The following ANXA10 variants were observed in gnomAD, a reference collection of about 807,000 sequenced individuals.
ANXA10 encodes annexin A10.
In ANXA10, 49 loss-of-function variants were observed where a neutral mutation model predicts 53.5. The observed-to-expected ratio is 0.92, with a 90% confidence interval of 0.73 to 1.16. The LOEUF is 1.16. Among genes scored for constraint, ANXA10 ranks in the 50% most tolerant of loss-of-function variants. The probability of loss-of-function intolerance (pLI) is 0.00; values close to 1 mark genes in which losing one functional copy is unlikely to be tolerated. For missense variants in ANXA10, 393 were observed against 394.4 expected (o/e 1.00, Z 0.03); for synonymous variants, 131 against 128.9 (o/e 1.02, Z -0.11).
At chr4:168,139,641 C>T (rs543812605) in intron 3 of ANXA10, 61 bp downstream of exon 3, 22 of 1,267,364 alleles carry the variant, frequency 1.7e-5, no homozygotes, top group Middle Eastern at 1.9e-4. Flanking sequence ...ACCACACTCA[C>T]GGATAATAGG....
At chr4:168,099,111 T>C (rs1024569275) in intron 1 of ANXA10, among the ~76,000 whole-genome samples, 1 of 152,172 alleles carries the variant, frequency 6.6e-6, no homozygotes, top group Admixed American at 6.6e-5. Context: ...ACAGCAGATA[T>C]AGCATTCTTA....
Position 168,179,302 on chromosome 4 carries a change from G to T in ANXA10, c.714G>T (p.Leu238=). 1 of 1,604,048 alleles carries T rather than the reference G, an allele frequency of 6.2e-7. No individual in the cohort carries two copies. Among genetic ancestry groups the T allele is most frequent in the South Asian group, 1.1e-5 (1 of 90,312 alleles). ...ECYDGYFQEL[L]VAIVLCVRDK... ...ATGATGGATACTTTCAGGAGCTGCT[G>T]GTTGCAATTGGTAAGTAATAAATTA... Residue 238 remains leucine, a synonymous_variant, in exon 9 of 12, where the codon CTG becomes CTT. Coordinates refer to ENST00000359299, the MANE Select transcript of ANXA10 (RefSeq NM_007193.5).
chr4:168,127,689 A>C, intron 1 of ANXA10: 1 of 419,008 alleles, frequency 2.4e-6, no homozygotes, highest in South Asian at 1.8e-5. Flanking sequence ...AACTCAACCA[A>C]ATTTTCTCTC....
chr4:168,168,756 A>G (rs558857337), intron 6 of ANXA10, among the ~76,000 whole-genome samples: 421 of 152,348 alleles, frequency 2.8e-3, no homozygotes, highest in African/African-American at 9.6e-3. Flanking sequence ...AGAATTGAAC[A>G]TTGCAACCAA....
chr4:168,174,320 T>C (rs760364656), intron 6 of ANXA10, among the ~76,000 whole-genome samples: 3 of 152,158 alleles, frequency 2.0e-5, no homozygotes, highest in Non-Finnish European at 4.4e-5. Context: ...AGTCTCCAAG[T>C]TTTCAGGCAC....
intron 2 of ANXA10, among the ~76,000 whole-genome samples, chr4:168,137,936 C>T (rs1047439765): frequency 3.3e-5 from 5 of 151,404 alleles, no homozygotes; most frequent in Non-Finnish European, 5.9e-5. Flanking sequence ...TTTGCACATC[C>T]TCTCCAACAT....
chr4:168,116,435 T>G (rs530608978), intron 1 of ANXA10, among the ~76,000 whole-genome samples: 1 of 152,310 alleles, frequency 6.6e-6, no homozygotes, highest in South Asian at 2.1e-4. Flanking sequence ...GAGCCAATTT[T>G]GTTTTGCATG....
At chr4:168,181,908 A>G (rs1732255816) in intron 10 of ANXA10, among the ~76,000 whole-genome samples, 167 bp downstream of exon 10, 1 of 152,240 alleles carries the variant, frequency 6.6e-6, no homozygotes, top group African/African-American at 2.4e-5. Context: ...AAAATAAGAC[A>G]TATCAGATAA....
At chr4:168,125,014 C>T (rs1296953455) in intron 1 of ANXA10, among the ~76,000 whole-genome samples, 1 of 152,082 alleles carries the variant, frequency 6.6e-6, no homozygotes, top group East Asian at 1.9e-4. Context: ...GACTGAAGGG[C>T]TCGTTAACTG....
At chr4:168,148,522 C>A (rs1380365337) in intron 3 of ANXA10, among the ~76,000 whole-genome samples, 1 of 152,152 alleles carries the variant, frequency 6.6e-6, no homozygotes, top group Non-Finnish European at 1.5e-5. Context: ...ACTTGCTAAC[C>A]TATGTTCACA....
chr4:168,150,950 T>C (rs1186746515), intron 3 of ANXA10, among the ~76,000 whole-genome samples: 3 of 152,042 alleles, frequency 2.0e-5, no homozygotes, highest in Non-Finnish European at 2.9e-5. Flanking sequence ...GGTTAACTCT[T>C]AGGAAAGAAA....
At chr4:168,150,170 T>A (rs1731473669) in intron 3 of ANXA10, among the ~76,000 whole-genome samples, 1 of 152,196 alleles carries the variant, frequency 6.6e-6, no homozygotes, top group African/African-American at 2.4e-5. Context: ...TGTATACTGT[T>A]AAAAGTATTT....
intron 6 of ANXA10, among the ~76,000 whole-genome samples, chr4:168,165,713 A>G (rs767373715): frequency 2.0e-5 from 3 of 152,036 alleles, no homozygotes; most frequent in African/African-American, 7.2e-5. Context: ...GTCTCGCTCT[A>G]TCACCCAGGC....
At chr4:168,172,320 A>G (rs1392269076) in intron 6 of ANXA10, among the ~76,000 whole-genome samples, 2 of 152,238 alleles carry the variant, frequency 1.3e-5, no homozygotes, top group African/African-American at 4.8e-5. Flanking sequence ...TTCAGGTTAA[A>G]TGTCCAAAAC....
At chr4:168,183,031 A>T (rs1396088675) in intron 10 of ANXA10, among the ~76,000 whole-genome samples, 6 of 149,900 alleles carry the variant, frequency 4.0e-5, no homozygotes, top group Non-Finnish European at 8.9e-5. Flanking sequence ...AAAAAAAAAG[A>T]AAAAAGAAAA....
chr4:168,127,040 A>C (rs1212145621), intron 1 of ANXA10, among the ~76,000 whole-genome samples: 1 of 152,136 alleles, frequency 6.6e-6, no homozygotes, highest in Non-Finnish European at 1.5e-5. Context: ...AGTTCATGTC[A>C]GGGCCTAGAA....
At chr4:168,151,116 A>G (rs574031196) in intron 3 of ANXA10, among the ~76,000 whole-genome samples, 4 of 152,300 alleles carry the variant, frequency 2.6e-5, no homozygotes, top group African/African-American at 9.6e-5. Flanking sequence ...TTAATTTTTC[A>G]ATATAATATA....
chr4:168,186,852 G>A (rs1399573009), intron 11 of ANXA10, among the ~76,000 whole-genome samples: 2 of 151,888 alleles, frequency 1.3e-5, no homozygotes, highest in Non-Finnish European at 2.9e-5. Context: ...TTGCTTCTCA[G>A]TTTTTCACTA....
rs1730732742 is a variant in ANXA10, at chr4:168,107,179, G to C, written c.18+14461G>C. Reference sequence around the variant, plus strand: ...AGACCAATAAAAAAGAAAAAAATATGGATTTACTTGATTACAAAACTGTTA... The same window carrying C: ...AGACCAATAAAAAAGAAAAAAATATCGATTTACTTGATTACAAAACTGTTA... On this transcript the variant is annotated intron_variant, in intron 1 of 11. Transcript: ENST00000359299. 3.3e-5 allele frequency among the ~76,000 whole-genome samples: 5 copies of C among 151,956 alleles called. No individual in the cohort carries two copies. The South Asian group carries it at 1.0e-3, about 32-fold the overall frequency.
Sources: allele counts gnomAD v4.1 joint callset (sites outside exome capture counted in the v4.1 genomes callset), GRCh38; gene constraint gnomAD v4.1.1; transcripts MANE v1.5; gene names NCBI Gene and HGNC (gene_info 2026-07-23, HGNC 2026-07-21).